Variants in DPYD observed in about 807,000 individuals in gnomAD.
DPYD encodes the protein dihydropyrimidine dehydrogenase.
Under a neutral mutation model 116.2 loss-of-function variants are expected in DPYD, and 109 were observed. The ratio of observed to expected loss-of-function variants is 0.94; its 90% CI spans 0.80 to 1.10. The LOEUF (loss-of-function observed/expected upper bound fraction) is 1.10, where lower values mean the gene tolerates loss of function less well. Among genes scored for constraint, DPYD ranks in the 50% least tolerant of loss-of-function variants. The pLI is 0.00. For synonymous variants in DPYD, 440 were observed against 432.0 expected (o/e 1.02, Z -0.23); for missense variants, 1,302 against 1,254.5 (o/e 1.04, Z -0.57).
At chr1:97,911,280 T>G (rs975907496) in intron 1 of DPYD, among the ~76,000 whole-genome samples, 1 of 152,068 alleles carries the variant, frequency 6.6e-6, no homozygotes, top group African/African-American at 2.4e-5. Flanking sequence ...TAAGTTTTGT[T>G]TCTTACTGTC....
At chr1:97,461,578 C>G (rs927022527) in intron 13 of DPYD, among the ~76,000 whole-genome samples, 1 of 152,120 alleles carries the variant, frequency 6.6e-6, no homozygotes, top group South Asian at 2.1e-4. Flanking sequence ...TGAAACTATT[C>G]AGCTAATGAA....
At chr1:97,192,996 G>C in intron 20 of DPYD, 73 bp downstream of exon 20, 1 of 1,525,518 alleles carries the variant, frequency 6.6e-7, no homozygotes, top group South Asian at 1.1e-5. Flanking sequence ...GAGAATGTGA[G>C]ATGGTAAATA....
intron 20 of DPYD, among the ~76,000 whole-genome samples, chr1:97,102,027 T>C (rs941912182): frequency 2.0e-5 from 3 of 151,960 alleles, no homozygotes; most frequent in African/African-American, 7.2e-5. Flanking sequence ...GACAACATAA[T>C]GAATCAACAA....
At chr1:97,510,456 A>C (rs1647703303) in intron 13 of DPYD, among the ~76,000 whole-genome samples, 1 of 151,990 alleles carries the variant, frequency 6.6e-6, no homozygotes, top group South Asian at 2.1e-4. Context: ...AGTAAAAAGA[A>C]ACTAAAACCA....
chr1:97,240,196 CA>C (rs1455945582), intron 18 of DPYD, among the ~76,000 whole-genome samples: 2 of 150,724 alleles, frequency 1.3e-5, no homozygotes, highest in South Asian at 2.1e-4. Context: ...ACTTTGACCC[CA>C]AAGGAAAAAA....
chr1:97,098,762 G>T, intron 20 of DPYD, 130 bp from the exon 21 acceptor site: 1 of 1,057,624 alleles, frequency 9.5e-7, no homozygotes, highest in Non-Finnish European at 1.4e-6. Flanking sequence ...ACTGTAACTA[G>T]GTCTTCACTC....
chr1:97,154,470 A>T (rs1007570206), intron 20 of DPYD, among the ~76,000 whole-genome samples: 1 of 152,142 alleles, frequency 6.6e-6, no homozygotes, highest in African/African-American at 2.4e-5. Flanking sequence ...AGAATGATAC[A>T]GTGGGGCCAG....
intron 2 of DPYD, chr1:97,856,016 C>T (rs1016211871): frequency 6.6e-5 from 10 of 152,034 alleles, no homozygotes; most frequent in African/African-American, 1.7e-4. Flanking sequence ...GCAACAGAAA[C>T]GGAGACATCT....
At chr1:97,736,639 A>C (rs1663959888) in intron 4 of DPYD, among the ~76,000 whole-genome samples, 1 of 152,164 alleles carries the variant, frequency 6.6e-6, no homozygotes, top group South Asian at 2.1e-4. Flanking sequence ...TATGACACAA[A>C]ACCCACTCAC....
chr1:97,230,407 C>A (rs1202229017), intron 19 of DPYD, among the ~76,000 whole-genome samples: 1 of 152,132 alleles, frequency 6.6e-6, no homozygotes. Context: ...ACTGCATGTT[C>A]TCACTTAGAA....
chr1:97,582,141 ACTAT>A (rs1435917892), intron 10 of DPYD, among the ~76,000 whole-genome samples: 1 of 152,208 alleles, frequency 6.6e-6, no homozygotes, highest in South Asian at 2.1e-4. Flanking sequence ...AAGTTACATA[ACTAT>A]CTGAGTATAA....
intron 19 of DPYD, among the ~76,000 whole-genome samples, chr1:97,218,634 G>T (rs922628784): frequency 2.0e-5 from 3 of 151,348 alleles, no homozygotes; most frequent in African/African-American, 7.3e-5. Context: ...CTTGGACGAT[G>T]GTTAGGAATG....
chr1:97,081,710 T>C (rs1649160969), intron 22 of DPYD, among the ~76,000 whole-genome samples: 1 of 142,694 alleles, frequency 7.0e-6, no homozygotes, highest in African/African-American at 2.5e-5. Flanking sequence ...TTCTTTTCTT[T>C]TCTTTTCTTT....
chr1:97,920,628 C>A (rs941277581), intron 1 of DPYD, among the ~76,000 whole-genome samples: 2 of 152,196 alleles, frequency 1.3e-5, no homozygotes, highest in African/African-American at 4.8e-5. Context: ...TTCCTGAAAT[C>A]TCTTCCGAAG....
chr1:97,317,396 T>G (rs1667921426), intron 16 of DPYD, among the ~76,000 whole-genome samples: 1 of 151,870 alleles, frequency 6.6e-6, no homozygotes, highest in Admixed American at 6.6e-5. Flanking sequence ...AAGACCTCAG[T>G]GGGTTATGAA....
intron 1 of DPYD, among the ~76,000 whole-genome samples, chr1:97,901,503 G>A (rs1190814231): frequency 6.6e-6 from 1 of 151,746 alleles, no homozygotes; most frequent in African/African-American, 2.4e-5. Flanking sequence ...TATTGTTAAG[G>A]AAGCTCTAGC....
At position 97,693,247 on chromosome 1, in the gene DPYD, T is replaced by C. The variant is rs551477164; in HGVS notation, c.681-1449A>G. On this transcript the variant is annotated intron_variant, in intron 6 of 22. Transcript: ENST00000370192. ...TGGAGCTTGCAGTGAGCCAAGATCATGCCACTGCACTCCAGCCTGGGCGAC... is the reference window on the plus strand; with the variant it reads ...TGGAGCTTGCAGTGAGCCAAGATCACGCCACTGCACTCCAGCCTGGGCGAC... Among the ~76,000 whole-genome samples the C allele has an allele frequency of 7.6e-4, 97 of 128,188 alleles. 2 individuals carry two copies. In the South Asian group the frequency reaches 0.013, roughly 18 times the overall value. 84.1% of individuals were successfully genotyped at this position (128,188 alleles called of 152,430 possible).
chr1:97,193,371 A>G (rs1369692631), intron 19 of DPYD, 123 bp from the exon 20 acceptor site: 1 of 993,364 alleles, frequency 1.0e-6, no homozygotes, highest in Non-Finnish European at 1.5e-6. Flanking sequence ...GGCATGATGG[A>G]TCAGTAGCCG....
At chr1:97,711,812 AC>A (rs1662302985) in intron 5 of DPYD, among the ~76,000 whole-genome samples, 1 of 151,800 alleles carries the variant, frequency 6.6e-6, no homozygotes, top group Non-Finnish European at 1.5e-5. Flanking sequence ...ACTTTTTTTT[AC>A]ATCTTTATTT....
Sources: allele counts gnomAD v4.1 joint callset (sites outside exome capture counted in the v4.1 genomes callset), GRCh38; gene constraint gnomAD v4.1.1; transcripts MANE v1.5; gene names NCBI Gene and HGNC (gene_info 2026-07-23, HGNC 2026-07-21).